The following ZNF823 variants were observed in gnomAD, a reference collection of about 807,000 sequenced individuals.
The protein encoded by ZNF823 is ZFP 36 for a zinc finger protein.
In ZNF823, 5 loss-of-function variants were observed where a neutral mutation model predicts 11.4. The ratio of observed to expected loss-of-function variants is 0.44; its 90% confidence interval spans 0.23 to 0.92. The LOEUF (loss-of-function observed/expected upper bound fraction) is 0.92. ZNF823 is among the 40% of genes least tolerant of loss of function. The probability of loss-of-function intolerance (pLI) is 0.24; values close to 1 mark genes in which losing one functional copy is unlikely to be tolerated. For synonymous variants in ZNF823, 234 were observed against 250.5 expected, an observed-to-expected ratio of 0.93 and a Z score of 0.62; for missense variants, 582 against 738.5, an observed-to-expected ratio of 0.79 and a Z score of 2.46.
At position 11,722,974 on chromosome 19, in the gene ZNF823, T is replaced by C; in HGVS notation, c.560A>G (p.His187Arg). The C allele has an allele frequency of 6.2e-7, 1 of 1,614,236 alleles. No individual in the cohort carries two copies. Among genetic ancestry groups the C allele is most frequent in the South Asian group, 1.1e-5 (1 of 91,084 alleles). Residue 187 changes from histidine to arginine, a missense_variant, in exon 4 of 4, where the codon CAT becomes CGT. This residue lies in a region of ZNF823 where 429 missense variants were observed against 553.7 expected (regional missense o/e 0.77). Transcript: ENST00000341191. This position sits in a 1 kb window ranked among gnomAD's most constrained non-coding sequence, Gnocchi z 5.2. ...CTTACATTTATAAGGTCCATCTCCA[T>C]GGTGTGCCGCCATGTGTCTTCGGAG... ...GNLRRHMAAH[H>R]GDGPYKCKLC...
At chr19:11,737,957 T>C (rs974941834) in intron 1 of ZNF823, among the ~76,000 whole-genome samples, 13 of 152,208 alleles carry the variant, frequency 8.5e-5, no homozygotes, top group Admixed American at 2.6e-4. Context: ...CAGCTTCTCT[T>C]CCAAAGCACA....
At chr19:11,735,384 G>A (rs1369697260) in intron 1 of ZNF823, among the ~76,000 whole-genome samples, 1 of 151,798 alleles carries the variant, frequency 6.6e-6, no homozygotes, top group African/African-American at 2.4e-5. Context: ...TGCTTTTAGA[G>A]TGAAGTCACT....
chr19:11,738,697 C>T, intron 1 of ZNF823, 120 bp downstream of exon 1: 3 of 1,307,372 alleles, frequency 2.3e-6, no homozygotes, highest in Non-Finnish European at 3.1e-6. Context: ...GCGCCAGGGG[C>T]ACTGGGATTT....
chr19:11,722,315 C>G lies in ZNF823; in HGVS notation c.1219G>C (p.Glu407Gln), dbSNP rs756194619. Residue 407 changes from glutamate (E) to glutamine (Q), a missense_variant, in exon 4 of 4, where the codon GAA becomes CAA. Around this residue, in one of 3 missense-constraint regions of ZNF823, gnomAD observed 429 missense variants for 553.7 expected, o/e 0.77. Transcript: ENST00000341191. This position sits in a 1 kb window ranked among gnomAD's most constrained non-coding sequence, Gnocchi z 5.2. Reference sequence around the variant, plus strand: ...GGTTTCTCTCCAGTGTGAGTCCTTTCATGTCTTTGAAATAAACTGGGACAA... The same window carrying G: ...GGTTTCTCTCCAGTGTGAGTCCTTTGATGTCTTTGAAATAAACTGGGACAA... ...FGCPSLFQRH[E>Q]RTHTGEKPYQ... 6.2e-7 allele frequency: 1 copy of G among 1,614,180 alleles called. No homozygotes were observed. The highest frequency in any genetic ancestry group is 1.1e-5 in the South Asian group (1 of 91,084).
At chr19:11,724,109 C>T in intron 3 of ZNF823, 85 bp downstream of exon 3, 3 of 1,131,638 alleles carry the variant, frequency 2.7e-6, no homozygotes, top group Non-Finnish European at 3.8e-6. Context: ...TGGGCTTGTT[C>T]ATTTTCTCTG....
In ZNF823 at chr19:11,721,949, A is replaced by G. The variant is rs757595623; in HGVS notation, c.1585T>C (p.Cys529Arg). 1.9e-6 allele frequency: 3 copies of G among 1,614,100 alleles called. No homozygotes were observed. Among genetic ancestry groups the G allele is most frequent in the South Asian group, 2.2e-5 (2 of 91,084 alleles). Reference protein sequence around the residue: ...RIHSGEKPYECKECGKAFSWL... With the variant: ...RIHSGEKPYERKECGKAFSWL... Reference sequence around the variant, plus strand: ...GAGAATGCTTTTCCACATTCCTTACATTCATATGGCTTCTCTCCAGAGTGA... The same window carrying G: ...GAGAATGCTTTTCCACATTCCTTACGTTCATATGGCTTCTCTCCAGAGTGA... Residue 529 changes from cysteine (C) to arginine (R), a missense_variant, in exon 4 of 4, where the codon TGT becomes CGT. By Grantham distance (180) the Cys-to-Arg change is radical (BLOSUM62 -3). Around this residue, in one of 3 missense-constraint regions of ZNF823, gnomAD observed 144 missense variants for 154.3 expected, o/e 0.93. Transcript: ENST00000341191.
Position 11,723,125 on chromosome 19 carries a change from T to C in ZNF823, c.409A>G (p.Thr137Ala), listed in dbSNP as rs1599699664. The change falls in exon 4 of 4, where the codon ACA becomes GCA. Residue 137 changes from threonine to alanine, a missense_variant. By Grantham distance (58) the Thr-to-Ala change is moderately conservative. Coordinates refer to ENST00000341191, the MANE Select transcript of ZNF823 (RefSeq NM_001080493.4). ...EHQEYGEKPY[T>A]HKQRGKAISH... Reference sequence around the variant, plus strand: ...ATGGCTTTCCCACGTTGTTTATGTGTATATGGCTTCTCTCCATATTCCTGA... The same window carrying C: ...ATGGCTTTCCCACGTTGTTTATGTGCATATGGCTTCTCTCCATATTCCTGA... The C allele has an allele frequency of 2.5e-6, 4 of 1,614,206 alleles. No individual in the cohort carries two copies. Among genetic ancestry groups the C allele is most frequent in the African/African-American group, 1.3e-5 (1 of 75,062 alleles).
rs1974927032 is a variant in ZNF823, at chr19:11,732,825, A to T, written c.3+5992T>A. Among the ~76,000 whole-genome samples the T allele has an allele frequency of 2.0e-5, 3 of 152,180 alleles. No individual in the cohort carries two copies. In the South Asian group the frequency reaches 6.2e-4, roughly 32 times the overall value. On this transcript the variant is annotated intron_variant, in intron 1 of 3. Transcript: ENST00000341191. ...TGTCTTTGTTCAATAAATTTTATTCAACTTAATTTCTAGCCTCCCTCCCTT... is the reference window on the plus strand; with the variant it reads ...TGTCTTTGTTCAATAAATTTTATTCTACTTAATTTCTAGCCTCCCTCCCTT...
chr19:11,732,168 C>CTTTTT (rs1568469751), intron 1 of ZNF823, among the ~76,000 whole-genome samples: 1 of 101,106 alleles, frequency 9.9e-6, no homozygotes, highest in African/African-American at 4.9e-5. Flanking sequence ...TAAAGGTTTC[C>CTTTTT]CTTTTTTTTT....
In ZNF823 at chr19:11,735,288, A is replaced by AAG. The variant is rs1555767776; in HGVS notation, c.3+3528_3+3529insCT. 2.0e-3 allele frequency among the ~76,000 whole-genome samples: 309 copies of AAG among 151,484 alleles called. 3 individuals carry two copies. The highest frequency in any genetic ancestry group is 7.2e-3 in the African/African-American group (297 of 41,104). The stretch of plus-strand genomic sequence containing the variant: ...AGACTCCATTTCAAAAAACAAAAAA[A>AAG]AAAAAAAAAAAAGAAAAGCAATTTT... On this transcript the variant is annotated intron_variant, in intron 1 of 3. Transcript: ENST00000341191.
chr19:11,722,581 C>T lies in ZNF823; in HGVS notation c.953G>A (p.Ser318Asn), dbSNP rs1397759803. 6.2e-7 allele frequency: 1 copy of T among 1,614,008 alleles called. No homozygotes were observed. The highest frequency in any genetic ancestry group is 1.3e-5 in the African/African-American group (1 of 74,986). ...GTGCCTTATCATGTGTCTTCGAAAG[C>T]TTGTGTGATGATAAAACGTTTTCCC... ...QCGKTFYHHT[S>N]FRRHMIRHTG... Residue 318 changes from serine (S) to asparagine (N), a missense_variant, in exon 4 of 4, where the codon AGC becomes AAC. Ser to Asn is a conservative substitution (Grantham distance 46). Transcript: ENST00000341191. This position sits in a 1 kb window ranked among gnomAD's most constrained non-coding sequence, Gnocchi z 5.2.
At chr19:11,725,170 T>C in intron 2 of ZNF823, 31 bp downstream of exon 2, 1 of 1,601,998 alleles carries the variant, frequency 6.2e-7, no homozygotes, top group South Asian at 1.1e-5. Context: ...TGTCTCTAAT[T>C]GACTAAGTGA....
At chr19:11,730,570 G>A (rs915841043) in intron 1 of ZNF823, 16 of 151,944 alleles carry the variant, frequency 1.1e-4, no homozygotes, top group Non-Finnish European at 1.9e-4. Context: ...GCAAGACCCT[G>A]ACTTAAAAAT....
chr19:11,729,456 C>G (rs980941611), intron 1 of ZNF823, among the ~76,000 whole-genome samples: 1 of 152,140 alleles, frequency 6.6e-6, no homozygotes, highest in Non-Finnish European at 1.5e-5. Context: ...AACAAATCAT[C>G]AAAATACATA....
rs376087001 is a variant in ZNF823 at position 11,724,177 on chromosome 19, T to C, written c.191+17A>G. The C allele has an allele frequency of 6.9e-6, 11 of 1,601,914 alleles. No individual in the cohort carries two copies. The African/African-American group carries it at 9.4e-5, about 14-fold the overall frequency. ...ACCACTGCAGGGACATAGCTTTCTT[T>C]TGTGGGTGCAAATTACCTTAGATTT... is the stretch of plus-strand genomic sequence containing the variant. On this transcript the variant is annotated intron_variant, in intron 3 of 3. Coordinates refer to ENST00000341191, the MANE Select transcript of ZNF823 (RefSeq NM_001080493.4).
rs550059918 is a variant in ZNF823 at position 11,722,274 on chromosome 19, T to C, written c.1260A>G (p.Gln420=). The change falls in exon 4 of 4, where the codon CAA becomes CAG. Residue 420 remains glutamine, a synonymous_variant. Transcript: ENST00000341191. This position sits in a 1 kb window ranked among gnomAD's most constrained non-coding sequence, Gnocchi z 5.2. ...HTGEKPYQCK[Q]CGKAFSLAGS... ...CGGCAAGACTGAAGGCTTTACCACA[T>C]TGTTTACATTGATAGGGTTTCTCTC... 8.7e-6 allele frequency: 14 copies of C among 1,614,088 alleles called. No individual in the cohort carries two copies. The South Asian group carries it at 1.4e-4, about 16-fold the overall frequency.
In ZNF823 at chr19:11,723,359, A is replaced by C; in HGVS notation, c.192-17T>G. 1 of 1,548,976 alleles carries C rather than the reference A, an allele frequency of 6.5e-7. No homozygotes were observed. The highest frequency in any genetic ancestry group is 8.7e-7 in the Non-Finnish European group (1 of 1,146,900). On this transcript the variant is annotated splice_polypyrimidine_tract_variant and intron_variant, in intron 3 of 3. Coordinates refer to ENST00000341191, the MANE Select transcript of ZNF823 (RefSeq NM_001080493.4). ...GTATGACTTCTGTAACAAATAAGAA[A>C]TATATTACTAAAGGTTTGTTTATAA...
Position 11,722,289 on chromosome 19 carries a change from G to A in ZNF823, c.1245C>T (p.Pro415=), listed in dbSNP as rs372379228. 1.9e-6 allele frequency: 3 copies of A among 1,613,886 alleles called. No individual in the cohort carries two copies. The highest frequency in any genetic ancestry group is 2.5e-6 in the Non-Finnish European group (3 of 1,179,914). ...RHERTHTGEK[P]YQCKQCGKAF... ...CTTTACCACATTGTTTACATTGATA[G>A]GGTTTCTCTCCAGTGTGAGTCCTTT... The change falls in exon 4 of 4, where the codon CCC becomes CCT. Residue 415 remains proline (P), a synonymous_variant. Transcript: ENST00000341191. The surrounding 1 kb of genome is among the most constrained non-coding windows in gnomAD (Gnocchi z 5.2).
intron 1 of ZNF823, among the ~76,000 whole-genome samples, chr19:11,727,950 C>CTCA (rs57227644): frequency 1.3e-5 from 2 of 151,380 alleles, no homozygotes; most frequent in Non-Finnish European, 1.5e-5. Flanking sequence ...TTCAGTGTCT[C>CTCA]GCTGCAAGCT....
Sources: gnomAD v4.1 joint callset for allele counts (sites outside exome capture counted in the v4.1 genomes callset) on GRCh38, gnomAD v4.1.1 for gene constraint, gnomAD v4.1.1 regional missense constraint, Gnocchi (gnomAD v3.1) non-coding constraint, MANE v1.5 for transcripts, NCBI Gene and HGNC (gene_info 2026-07-23, HGNC 2026-07-21) for gene names.